The following PTPRM variants were observed in gnomAD, a reference collection of about 807,000 sequenced individuals.
PTPRM encodes protein tyrosine phosphatase receptor type M.
PTPRM carries 47 observed loss-of-function variants against 186.7 expected under a neutral mutation model. That is an observed-to-expected ratio of 0.25 (90% CI 0.20 to 0.32). The LOEUF (loss-of-function observed/expected upper bound fraction) is 0.32. PTPRM is among the 10% of genes least tolerant of loss of function. PTPRM has a pLI of 1.00. For synonymous variants in PTPRM, 668 were observed against 674.9 expected (o/e 0.99, Z 0.16); for missense variants, 1,494 against 1,865.0 (o/e 0.80, Z 3.66).
chr18:7,924,811 G>T (rs756365651), intron 4 of PTPRM, among the ~76,000 whole-genome samples: 2 of 152,132 alleles, frequency 1.3e-5, no homozygotes, highest in Non-Finnish European at 2.9e-5. Flanking sequence ...GAAAATTCCC[G>T]CAGGCAGACC....
chr18:8,309,601 C>T (rs2147992836), intron 20 of PTPRM, among the ~76,000 whole-genome samples: 1 of 152,278 alleles, frequency 6.6e-6, no homozygotes, highest in African/African-American at 2.4e-5. Flanking sequence ...AGCCCCAAAC[C>T]ACTATGCTCA....
intron 1 of PTPRM, among the ~76,000 whole-genome samples, chr18:7,759,007 C>T (rs2041641649): frequency 6.6e-6 from 1 of 152,188 alleles, no homozygotes; most frequent in Admixed American, 6.5e-5. Context: ...CTGGTGATGG[C>T]TGAGACAGAG....
chr18:7,923,962 T>A (rs1048928200), intron 4 of PTPRM, among the ~76,000 whole-genome samples: 1 of 152,222 alleles, frequency 6.6e-6, no homozygotes, highest in African/African-American at 2.4e-5. Context: ...GACATTTGTG[T>A]TATAAATTGC....
chr18:8,270,849 G>A (rs11663836), intron 19 of PTPRM, among the ~76,000 whole-genome samples: 1,866 of 152,216 alleles, frequency 0.012, 20 homozygotes, highest in Non-Finnish European at 0.02. Flanking sequence ...GGGGGTTAGA[G>A]GAAATGGAGA....
chr18:7,614,201 A>G (rs995673904), intron 1 of PTPRM, among the ~76,000 whole-genome samples: 13 of 152,236 alleles, frequency 8.5e-5, no homozygotes, highest in African/African-American at 2.9e-4. Flanking sequence ...AAATTTACAT[A>G]AAACTCAGAC....
intron 23 of PTPRM, among the ~76,000 whole-genome samples, chr18:8,365,462 G>A (rs2305961): frequency 0.019 from 2,846 of 152,346 alleles, 128 homozygotes; most frequent in East Asian, 0.18. Flanking sequence ...AAACTGCTCG[G>A]TGGATGGGAG....
chr18:7,688,386 A>G (rs2039656365), intron 1 of PTPRM, among the ~76,000 whole-genome samples: 1 of 152,212 alleles, frequency 6.6e-6, no homozygotes, highest in Non-Finnish European at 1.5e-5. Flanking sequence ...ATAATGGAGA[A>G]GGAAAGATTC....
chr18:8,052,519 G>A (rs995102751), intron 7 of PTPRM, among the ~76,000 whole-genome samples: 7 of 152,174 alleles, frequency 4.6e-5, no homozygotes, highest in African/African-American at 1.7e-4. Flanking sequence ...CCTATAGCCT[G>A]GGTGTGGAGT....
At chr18:7,802,379 C>T (rs768252633) in intron 2 of PTPRM, among the ~76,000 whole-genome samples, 21 of 152,066 alleles carry the variant, frequency 1.4e-4, no homozygotes, top group Admixed American at 6.6e-4. Context: ...GGGCAGAGGA[C>T]GGTAAAGATG....
chr18:7,694,751 A>G (rs1318091172), intron 1 of PTPRM, among the ~76,000 whole-genome samples: 6 of 152,160 alleles, frequency 3.9e-5, no homozygotes, highest in Non-Finnish European at 1.5e-5. Flanking sequence ...AGCCGTATAA[A>G]ATATCTATAG....
At chr18:7,583,681 T>G (rs778690927) in intron 1 of PTPRM, among the ~76,000 whole-genome samples, 2 of 152,224 alleles carry the variant, frequency 1.3e-5, no homozygotes, top group Non-Finnish European at 1.5e-5. Flanking sequence ...ACTTATATTT[T>G]TCATGAGCAG....
chr18:8,360,382 G>C (rs2095589697), intron 23 of PTPRM, among the ~76,000 whole-genome samples: 1 of 139,958 alleles, frequency 7.1e-6, no homozygotes, highest in Non-Finnish European at 1.5e-5. Flanking sequence ...ACACACCTCT[G>C]CCGTGAAATC....
intron 2 of PTPRM, among the ~76,000 whole-genome samples, chr18:7,778,312 G>A (rs979238991): frequency 1.3e-5 from 2 of 151,946 alleles, no homozygotes; most frequent in Admixed American, 1.3e-4. Context: ...TCATGTCATA[G>A]TAGATTAAAC....
intron 7 of PTPRM, among the ~76,000 whole-genome samples, chr18:8,030,731 A>G (rs1383337826): frequency 6.6e-6 from 1 of 152,240 alleles, no homozygotes; most frequent in Non-Finnish European, 1.5e-5. Context: ...CAATGACAAC[A>G]TGAGGTGGTT....
At chr18:8,266,802 G>A (rs1409341838) in intron 19 of PTPRM, among the ~76,000 whole-genome samples, 1 of 152,072 alleles carries the variant, frequency 6.6e-6, no homozygotes, top group Admixed American at 6.5e-5. Context: ...CAGCTACTTG[G>A]GAGGCTGAGG....
At chr18:8,350,545 T>C (rs1222386859) in intron 23 of PTPRM, among the ~76,000 whole-genome samples, 1 of 152,216 alleles carries the variant, frequency 6.6e-6, no homozygotes, top group Non-Finnish European at 1.5e-5. Context: ...TCCTTTCTAC[T>C]GTCCAGCCAT....
intron 1 of PTPRM, among the ~76,000 whole-genome samples, chr18:7,702,352 G>A (rs750631470): frequency 2.6e-5 from 4 of 152,140 alleles, no homozygotes; most frequent in Non-Finnish European, 5.9e-5. Context: ...TCCGGCATCT[G>A]TTGCTTCTTG....
chr18:7,670,032 C>A (rs2039184957), intron 1 of PTPRM, among the ~76,000 whole-genome samples: 1 of 152,156 alleles, frequency 6.6e-6, no homozygotes, highest in Non-Finnish European at 1.5e-5. Context: ...GTGTGAGCCA[C>A]CATGCCTGGC....
chr18:8,112,114 T>G (rs2091781989), intron 11 of PTPRM, among the ~76,000 whole-genome samples: 1 of 152,240 alleles, frequency 6.6e-6, no homozygotes, highest in African/African-American at 2.4e-5. Context: ...AAATAAGAGT[T>G]GTACTCCTTT....
Sources: gnomAD v4.1 joint callset for allele counts (sites outside exome capture counted in the v4.1 genomes callset) on GRCh38, gnomAD v4.1.1 for gene constraint, MANE v1.5 for transcripts, NCBI Gene and HGNC (gene_info 2026-07-23, HGNC 2026-07-21) for gene names.